ZFPM2: variants seen among roughly 807,000 people sequenced by gnomAD.
ZFPM2 encodes zinc finger protein, FOG family member 2, also known as zinc finger protein ZFPM2.
Under a neutral mutation model 98.6 loss-of-function variants are expected in ZFPM2, and 20 were observed. The observed-to-expected ratio is 0.20, with a 90% CI of 0.14 to 0.29. The LOEUF (loss-of-function observed/expected upper bound fraction) is 0.29. ZFPM2 is among the 10% of genes least tolerant of loss of function. ZFPM2 has a pLI of 1.00. For missense variants in ZFPM2, 1,310 were observed against 1,388.6 expected (o/e 0.94, Z 0.90); for synonymous variants, 518 against 502.7 (o/e 1.03, Z -0.41).
At chr8:105,657,894 A>T (rs1817315837) in intron 5 of ZFPM2, among the ~76,000 whole-genome samples, 1 of 152,212 alleles carries the variant, frequency 6.6e-6, no homozygotes, top group African/African-American at 2.4e-5. Context: ...CCAAATTAAT[A>T]GAAACAATTC....
chr8:105,620,216 T>C (rs1816507409), intron 4 of ZFPM2, among the ~76,000 whole-genome samples: 1 of 152,212 alleles, frequency 6.6e-6, no homozygotes, highest in Non-Finnish European at 1.5e-5. Flanking sequence ...TTTTTAATGA[T>C]CACCATTCTA....
Position 105,351,763 on chromosome 8 carries a change from TG to T in ZFPM2, c.40+32783del, listed in dbSNP as rs948144790. Among the ~76,000 whole-genome samples, 7 of 152,212 alleles carry T rather than the reference TG, an allele frequency of 4.6e-5. No individual in the cohort carries two copies. In the South Asian group the frequency reaches 6.2e-4, roughly 14 times the overall value. ...TTTATTCTCTGAACCAAATATATGTTGTTTTTTTTTTAATATTCAAATTCAT... is the reference window on the plus strand; with the variant it reads ...TTTATTCTCTGAACCAAATATATGTTTTTTTTTTTTAATATTCAAATTCAT... On this transcript the variant is annotated intron_variant, in intron 1 of 7. Transcript: ENST00000407775.
intron 4 of ZFPM2, among the ~76,000 whole-genome samples, chr8:105,576,931 T>G (rs1296597406): frequency 6.6e-6 from 1 of 152,154 alleles, no homozygotes; most frequent in Non-Finnish European, 1.5e-5. Flanking sequence ...CTATCTTTTA[T>G]TAGTTTCCTT....
chr8:105,398,769 C>T (rs1257124909), intron 1 of ZFPM2, among the ~76,000 whole-genome samples: 9 of 152,032 alleles, frequency 5.9e-5, no homozygotes, highest in Non-Finnish European at 1.2e-4. Flanking sequence ...TATATATATA[C>T]ATATTGGTAC....
At chr8:105,707,873 A>T (rs1230646617) in intron 5 of ZFPM2, among the ~76,000 whole-genome samples, 1 of 152,240 alleles carries the variant, frequency 6.6e-6, no homozygotes, top group Admixed American at 6.5e-5. Context: ...CCTCATGGAC[A>T]TTCAGGTTAT....
chr8:105,708,875 A>G (rs143927382), intron 5 of ZFPM2, among the ~76,000 whole-genome samples: 2 of 152,322 alleles, frequency 1.3e-5, no homozygotes, highest in East Asian at 3.9e-4. Flanking sequence ...AACATATGCC[A>G]TGGGTTGAAT....
intron 5 of ZFPM2, among the ~76,000 whole-genome samples, chr8:105,773,494 A>T (rs541652762): frequency 6.6e-6 from 1 of 152,124 alleles, no homozygotes; most frequent in African/African-American, 2.4e-5. Context: ...GGAGTAAAAA[A>T]ATAGTTTTTA....
intron 4 of ZFPM2, among the ~76,000 whole-genome samples, chr8:105,570,322 T>G: frequency 6.6e-6 from 1 of 150,408 alleles, no homozygotes; most frequent in Non-Finnish European, 1.5e-5. Context: ...TTTTATTTAT[T>G]TTTTTTTTGA....
intron 3 of ZFPM2, among the ~76,000 whole-genome samples, chr8:105,535,011 C>T (rs558965267): frequency 2.2e-4 from 33 of 152,248 alleles, no homozygotes; most frequent in African/African-American, 7.7e-4. Flanking sequence ...GGTGTATCTC[C>T]TAAGACACAG....
chr8:105,749,314 G>T (rs1447646271), intron 5 of ZFPM2, among the ~76,000 whole-genome samples: 1 of 151,952 alleles, frequency 6.6e-6, no homozygotes, highest in Non-Finnish European at 1.5e-5. Context: ...CTAAGAAAAT[G>T]ATAGATTTAA....
chr8:105,427,885 T>C (rs1353352310), intron 2 of ZFPM2, among the ~76,000 whole-genome samples: 6 of 152,200 alleles, frequency 3.9e-5, no homozygotes, highest in African/African-American at 4.8e-5. Context: ...ATTTTAATAA[T>C]GGTAATAACA....
At chr8:105,672,770 A>G (rs1275644138) in intron 5 of ZFPM2, among the ~76,000 whole-genome samples, 1 of 152,168 alleles carries the variant, frequency 6.6e-6, no homozygotes, top group East Asian at 1.9e-4. Flanking sequence ...TGTACCATGG[A>G]ATTGTTTTTG....
chr8:105,467,030 C>T (rs1266208513), intron 3 of ZFPM2, among the ~76,000 whole-genome samples: 2 of 152,024 alleles, frequency 1.3e-5, no homozygotes, highest in African/African-American at 4.8e-5. Context: ...TCCTGTATCT[C>T]TTGTGAGCAT....
intron 5 of ZFPM2, among the ~76,000 whole-genome samples, chr8:105,731,184 C>G (rs556623681): frequency 9.2e-5 from 14 of 151,840 alleles, no homozygotes; most frequent in African/African-American, 2.7e-4. Flanking sequence ...ATAAAAACCA[C>G]CAAGTTATGA....
intron 3 of ZFPM2, among the ~76,000 whole-genome samples, chr8:105,524,455 T>G (rs7830388): frequency 0.54 from 81,650 of 151,314 alleles, 23,572 homozygotes; most frequent in African/African-American, 0.77. Flanking sequence ...CATTCTTGGG[T>G]GTGTGTGTGT....
At chr8:105,745,479 C>T (rs1388608549) in intron 5 of ZFPM2, among the ~76,000 whole-genome samples, 1 of 152,068 alleles carries the variant, frequency 6.6e-6, no homozygotes, top group Non-Finnish European at 1.5e-5. Flanking sequence ...TTATCTTTAA[C>T]CTATGTGTTA....
In ZFPM2 at chr8:105,578,454, A is replaced by G. The variant is rs545083805; in HGVS notation, c.420+16973A>G. 4.6e-5 allele frequency among the ~76,000 whole-genome samples: 7 copies of G among 152,164 alleles called. No homozygotes were observed. The South Asian group carries it at 1.4e-3, about 32-fold the overall frequency. On this transcript the variant is annotated intron_variant, in intron 4 of 7. Coordinates refer to ENST00000407775, the MANE Select transcript of ZFPM2 (RefSeq NM_012082.4). Reference sequence around the variant, plus strand: ...TACTCCAGTTACTCCAGTGAACTGAATATCTTTTATCATCAAACAATTCAG... The same window carrying G: ...TACTCCAGTTACTCCAGTGAACTGAGTATCTTTTATCATCAAACAATTCAG...
intron 4 of ZFPM2, among the ~76,000 whole-genome samples, chr8:105,627,138 A>G (rs1390600106): frequency 6.6e-6 from 1 of 152,124 alleles, no homozygotes; most frequent in Non-Finnish European, 1.5e-5. Context: ...TTTTATCTCC[A>G]TTAACCTTTT....
chr8:105,357,843 C>A (rs1812777470), intron 1 of ZFPM2, among the ~76,000 whole-genome samples: 1 of 152,192 alleles, frequency 6.6e-6, no homozygotes, highest in South Asian at 2.1e-4. Context: ...ACCCCTGCCA[C>A]TGCCTGTTAC....
Sources: allele counts gnomAD v4.1 joint callset (sites outside exome capture counted in the v4.1 genomes callset), GRCh38; gene constraint gnomAD v4.1.1; transcripts MANE v1.5; gene names NCBI Gene and HGNC (gene_info 2026-07-23, HGNC 2026-07-21).